Variants in CLSTN2 observed in about 807,000 individuals in gnomAD.
The protein encoded by CLSTN2 is calsyntenin 2.
CLSTN2 carries 48 observed loss-of-function variants against 101.2 expected under a neutral mutation model. That is an observed-to-expected ratio of 0.47 (90% CI 0.38 to 0.60). The LOEUF is 0.60. Ranked by LOEUF, CLSTN2 falls within the 20% of genes least tolerant of loss-of-function variation. CLSTN2 has a pLI of 0.00. For synonymous variants in CLSTN2, 481 were observed against 463.6 expected (o/e 1.04, Z -0.48); for missense variants, 1,160 against 1,238.2 (o/e 0.94, Z 0.95).
intron 9 of CLSTN2, among the ~76,000 whole-genome samples, chr3:140,533,440 T>C (rs901582540): frequency 2.0e-5 from 3 of 152,148 alleles, no homozygotes; most frequent in Non-Finnish European, 4.4e-5. Flanking sequence ...CCGTGCACAG[T>C]GGCTCACGCC....
chr3:140,387,884 C>G (rs373446374), intron 2 of CLSTN2, among the ~76,000 whole-genome samples: 2 of 152,188 alleles, frequency 1.3e-5, no homozygotes, highest in Non-Finnish European at 2.9e-5. Context: ...TTGAATGATT[C>G]AGATTTTTTG....
intron 9 of CLSTN2, among the ~76,000 whole-genome samples, chr3:140,534,472 A>G (rs1935321721): frequency 6.6e-6 from 1 of 152,342 alleles, no homozygotes; most frequent in East Asian, 1.9e-4. Flanking sequence ...AACTAAAATC[A>G]ATAAGAATAA....
intron 2 of CLSTN2, among the ~76,000 whole-genome samples, chr3:140,342,926 G>A (rs1227516787): frequency 6.6e-6 from 1 of 152,206 alleles, no homozygotes; most frequent in Non-Finnish European, 1.5e-5. Flanking sequence ...AGTATCACAA[G>A]AGAACCAGGT....
chr3:140,397,898 C>T (rs1167479883), intron 2 of CLSTN2, among the ~76,000 whole-genome samples: 1 of 149,740 alleles, frequency 6.7e-6, no homozygotes, highest in Non-Finnish European at 1.5e-5. Context: ...TTAAGTGGTT[C>T]CTTCAAAAGT....
chr3:140,209,575 G>A (rs2107845788), intron 2 of CLSTN2, among the ~76,000 whole-genome samples: 1 of 152,250 alleles, frequency 6.6e-6, no homozygotes, highest in African/African-American at 2.4e-5. Context: ...GCTGAGGGAA[G>A]CTGTGTTAGC....
chr3:140,119,513 A>ATTTTG (rs1057361374), intron 1 of CLSTN2, among the ~76,000 whole-genome samples: 4 of 152,012 alleles, frequency 2.6e-5, no homozygotes, highest in African/African-American at 9.7e-5. Flanking sequence ...AGGGCACCTA[A>ATTTTG]TTTTGTTTTG....
intron 2 of CLSTN2, among the ~76,000 whole-genome samples, chr3:140,239,446 TAA>T (rs1350183152): frequency 1.3e-5 from 2 of 152,344 alleles, no homozygotes; most frequent in South Asian, 2.1e-4. Context: ...TCATACTTGT[TAA>T]AAGAGTTTTT....
At chr3:140,544,457 C>T (rs1010407338) in intron 9 of CLSTN2, among the ~76,000 whole-genome samples, 3 of 152,168 alleles carry the variant, frequency 2.0e-5, no homozygotes, top group African/African-American at 7.2e-5. Flanking sequence ...TTAACCTTGA[C>T]TTCACATTCG....
chr3:140,527,599 C>G (rs1179619446), intron 8 of CLSTN2, among the ~76,000 whole-genome samples: 1 of 151,940 alleles, frequency 6.6e-6, no homozygotes, highest in African/African-American at 2.4e-5. Context: ...ATTGTTTTAC[C>G]AAAAAGACAC....
At chr3:139,966,067 G>T (rs1194452867) in intron 1 of CLSTN2, among the ~76,000 whole-genome samples, 1 of 152,168 alleles carries the variant, frequency 6.6e-6, no homozygotes, top group Non-Finnish European at 1.5e-5. Flanking sequence ...AGTGGAAAAG[G>T]TGCTCTGGGT....
At chr3:140,052,631 C>A (rs1280685226) in intron 1 of CLSTN2, among the ~76,000 whole-genome samples, 5 of 152,320 alleles carry the variant, frequency 3.3e-5, no homozygotes, top group African/African-American at 9.6e-5. Flanking sequence ...CCCACCACCA[C>A]AAAGTCGGAT....
chr3:140,125,679 A>G (rs1288547502), intron 1 of CLSTN2, among the ~76,000 whole-genome samples: 1 of 152,060 alleles, frequency 6.6e-6, no homozygotes, highest in East Asian at 1.9e-4. Context: ...AGTGCTGATT[A>G]CCCACTTGAG....
intron 1 of CLSTN2, among the ~76,000 whole-genome samples, chr3:140,090,642 A>G (rs1305253398): frequency 2.0e-5 from 3 of 152,170 alleles, no homozygotes; most frequent in African/African-American, 7.2e-5. Flanking sequence ...ACACTAACAC[A>G]GAAAATAGGG....
chr3:140,234,100 C>T (rs2086395052), intron 2 of CLSTN2, among the ~76,000 whole-genome samples: 1 of 152,128 alleles, frequency 6.6e-6, no homozygotes, highest in South Asian at 2.1e-4. Flanking sequence ...CCAACTCAGC[C>T]CTGTGCTGCT....
intron 2 of CLSTN2, among the ~76,000 whole-genome samples, chr3:140,362,532 C>T (rs561853233): frequency 6.6e-6 from 1 of 152,170 alleles, no homozygotes; most frequent in South Asian, 2.1e-4. Flanking sequence ...AGATAAACAA[C>T]AGACTTGGAG....
chr3:140,067,753 T>C (rs2008322745), intron 1 of CLSTN2, among the ~76,000 whole-genome samples: 1 of 152,244 alleles, frequency 6.6e-6, no homozygotes, highest in South Asian at 2.1e-4. Flanking sequence ...GAGACGGGGC[T>C]GCTTCTATCG....
At chr3:140,533,448 G>A (rs533415300) in intron 9 of CLSTN2, among the ~76,000 whole-genome samples, 2 of 152,186 alleles carry the variant, frequency 1.3e-5, no homozygotes, top group South Asian at 2.1e-4. Context: ...AGTGGCTCAC[G>A]CCTGTAATCC....
intron 2 of CLSTN2, among the ~76,000 whole-genome samples, chr3:140,215,097 T>C (rs528760448): frequency 6.6e-6 from 1 of 152,368 alleles, no homozygotes; most frequent in East Asian, 1.9e-4. Flanking sequence ...TTCTCTTTTC[T>C]GCCTTTACTC....
At chr3:140,401,995 A>G (rs2088247633) in intron 2 of CLSTN2, among the ~76,000 whole-genome samples, 1 of 152,046 alleles carries the variant, frequency 6.6e-6, no homozygotes, top group South Asian at 2.1e-4. Flanking sequence ...TTATTCCACA[A>G]GTACATTGAG....
Sources: gnomAD v4.1 joint callset for allele counts (sites outside exome capture counted in the v4.1 genomes callset) on GRCh38, gnomAD v4.1.1 for gene constraint, MANE v1.5 for transcripts, NCBI Gene and HGNC (gene_info 2026-07-23, HGNC 2026-07-21) for gene names.